The following CDH17 variants were observed in gnomAD, a reference collection of about 807,000 sequenced individuals.
The protein encoded by CDH17 is cadherin 17.
In CDH17, 67 loss-of-function variants were observed where a neutral mutation model predicts 86.3. That is an observed-to-expected ratio of 0.78 (90% confidence interval 0.64 to 0.95). The LOEUF (loss-of-function observed/expected upper bound fraction) is 0.95, where lower values mean the gene tolerates loss of function less well. Among genes scored for constraint, CDH17 ranks in the 40% least tolerant of loss-of-function variants. CDH17 has a pLI of 0.00. For synonymous variants in CDH17, 367 were observed against 366.4 expected (o/e 1.00, Z -0.02); for missense variants, 993 against 1,017.6 (o/e 0.98, Z 0.33).
At chr8:94,146,768 T>A (rs1017307899) in intron 14 of CDH17, among the ~76,000 whole-genome samples, 1 of 152,368 alleles carries the variant, frequency 6.6e-6, no homozygotes, top group African/African-American at 2.4e-5. Flanking sequence ...TATAGTGTTG[T>A]ATGAGGAGTA....
intron 2 of CDH17, among the ~76,000 whole-genome samples, chr8:94,191,917 G>T (rs1265619308): frequency 6.6e-6 from 1 of 152,192 alleles, no homozygotes; most frequent in Admixed American, 6.5e-5. Context: ...TAAGAACTGG[G>T]TGTGCAGGAC....
intron 9 of CDH17, 48 bp from the exon 10 acceptor site, chr8:94,166,024 A>G (rs1209542860): frequency 9.1e-7 from 1 of 1,104,654 alleles, no homozygotes. Flanking sequence ...GCTCCACATA[A>G]TCTATTAAAA....
At chr8:94,174,901 A>G (rs1245806019) in intron 5 of CDH17, among the ~76,000 whole-genome samples, 1 of 152,144 alleles carries the variant, frequency 6.6e-6, no homozygotes, top group Non-Finnish European at 1.5e-5. Context: ...TCATTAAAAC[A>G]TGTTGATTAG....
At position 94,174,108 on chromosome 8, in the gene CDH17, G is replaced by T; in HGVS notation, c.577C>A (p.Arg193=). The change falls in exon 6 of 18, where the codon CGA becomes AGA. Residue 193 remains arginine (R), a synonymous_variant. Coordinates refer to ENST00000027335, the MANE Select transcript of CDH17 (RefSeq NM_004063.4). ...NNKTGAISLT[R]EGSQELNPAK... is the part of the protein sequence containing the mutation. The stretch of plus-strand genomic sequence containing the variant: ...AGGGCACCCCTGAACTTACCCTCTC[G>T]GGTAAGAGAGATGGCTCCCGTTTTG... 1 of 1,613,508 alleles carries T rather than the reference G, an allele frequency of 6.2e-7. No homozygotes were observed. Among genetic ancestry groups the T allele is most frequent in the Non-Finnish European group, 8.5e-7 (1 of 1,179,640 alleles).
chr8:94,151,806 C>CCT (rs1294823051), intron 13 of CDH17, 62 bp downstream of exon 13: 121 of 1,605,048 alleles, frequency 7.5e-5, no homozygotes, highest in Non-Finnish European at 1.0e-4. Flanking sequence ...GCCAGCTCCT[C>CCT]CTCCTCCCCA....
At chr8:94,141,908 T>C (rs886612831) in intron 15 of CDH17, among the ~76,000 whole-genome samples, 1 of 152,138 alleles carries the variant, frequency 6.6e-6, no homozygotes, top group African/African-American at 2.4e-5. Context: ...GAAGGAATTT[T>C]GAAAAAGAAC....
chr8:94,148,990 A>G (rs1294349229), intron 13 of CDH17, 116 bp from the exon 14 acceptor site: 2 of 713,748 alleles, frequency 2.8e-6, no homozygotes, highest in Non-Finnish European at 4.4e-6. Flanking sequence ...TGTAAATAAT[A>G]TACAAATGAT....
intron 3 of CDH17, among the ~76,000 whole-genome samples, chr8:94,188,024 G>T (rs962496524): frequency 1.3e-5 from 2 of 152,144 alleles, no homozygotes; most frequent in African/African-American, 4.8e-5. Flanking sequence ...AAGAGAGATA[G>T]CTTTCAGCCT....
intron 12 of CDH17, among the ~76,000 whole-genome samples, chr8:94,155,313 C>T (rs1441078120): frequency 6.6e-6 from 1 of 151,868 alleles, no homozygotes; most frequent in African/African-American, 2.4e-5. Flanking sequence ...CACTCCCAGT[C>T]TCAGGGGATG....
intron 4 of CDH17, 95 bp from the exon 5 acceptor site, chr8:94,176,774 A>C: frequency 8.0e-7 from 1 of 1,257,684 alleles, no homozygotes; most frequent in Non-Finnish European, 1.1e-6. Context: ...CAAAGAACCA[A>C]TGGCCTGGTG....
chr8:94,195,870 C>T (rs1813776370), intron 1 of CDH17, among the ~76,000 whole-genome samples: 1 of 152,062 alleles, frequency 6.6e-6, no homozygotes, highest in Non-Finnish European at 1.5e-5. Context: ...ACACCATTCT[C>T]CTGCCTCAGC....
chr8:94,152,203 G>T (rs1037035861), intron 12 of CDH17, 91 bp from the exon 13 acceptor site: 22 of 1,358,874 alleles, frequency 1.6e-5, no homozygotes, highest in African/African-American at 2.9e-5. Context: ...TCATATATTC[G>T]ATATATAATA....
intron 12 of CDH17, among the ~76,000 whole-genome samples, chr8:94,153,547 C>T (rs762077922): frequency 1.3e-5 from 2 of 152,194 alleles, no homozygotes; most frequent in Non-Finnish European, 2.9e-5. Context: ...TATCTGCACT[C>T]CTATGTTCCC....
chr8:94,168,530 G>A (rs1813210280), intron 9 of CDH17, among the ~76,000 whole-genome samples: 1 of 151,968 alleles, frequency 6.6e-6, no homozygotes, highest in Non-Finnish European at 1.5e-5. Flanking sequence ...GTCCCCACAA[G>A]GCAGGAGCAT....
chr8:94,160,513 A>T (rs1388063518), intron 11 of CDH17, among the ~76,000 whole-genome samples: 1 of 152,204 alleles, frequency 6.6e-6, no homozygotes, highest in Non-Finnish European at 1.5e-5. Context: ...GGCACTTTAT[A>T]TACATTATTT....
chr8:94,188,093 G>C (rs936682857), intron 3 of CDH17, among the ~76,000 whole-genome samples: 10 of 152,080 alleles, frequency 6.6e-5, no homozygotes, highest in African/African-American at 2.4e-4. Flanking sequence ...ATTGGTGGGG[G>C]CTCATTCCTG....
intron 15 of CDH17, among the ~76,000 whole-genome samples, chr8:94,136,686 G>C (rs1586231935): frequency 6.6e-6 from 1 of 152,184 alleles, no homozygotes; most frequent in South Asian, 2.1e-4. Context: ...TTCCGTTGCT[G>C]GCAAGGAGCT....
intron 3 of CDH17, among the ~76,000 whole-genome samples, chr8:94,181,642 T>A (rs1482811877): frequency 6.6e-6 from 1 of 151,532 alleles, no homozygotes; most frequent in African/African-American, 2.4e-5. Flanking sequence ...AAGCAGTACT[T>A]AGAGGAAAAT....
chr8:94,199,052 T>G (rs1563589342), intron 1 of CDH17, among the ~76,000 whole-genome samples: 2 of 21,284 alleles, frequency 9.4e-5, no homozygotes, highest in Non-Finnish European at 2.2e-4. Flanking sequence ...TATATATATA[T>G]ATATATATAT....
Sources: gnomAD v4.1 joint callset for allele counts (sites outside exome capture counted in the v4.1 genomes callset) on GRCh38, gnomAD v4.1.1 for gene constraint, MANE v1.5 for transcripts, NCBI Gene and HGNC (gene_info 2026-07-23, HGNC 2026-07-21) for gene names.